FHAD1: variants seen among roughly 807,000 people sequenced by gnomAD.
FHAD1 encodes the protein forkhead-associated domain-containing protein 1.
Under a neutral mutation model 191.3 loss-of-function variants are expected in FHAD1, and 146 were observed. The observed-to-expected ratio is 0.76, with a 90% confidence interval of 0.67 to 0.88. The LOEUF is 0.88. FHAD1 is among the 40% of genes least tolerant of loss of function. The pLI, the probability that FHAD1 is intolerant of heterozygous loss-of-function variation, is 0.00. For missense variants in FHAD1, 1,635 were observed against 1,785.8 expected, an observed-to-expected ratio of 0.92 and a Z score of 1.52; for synonymous variants, 616 against 672.3, an observed-to-expected ratio of 0.92 and a Z score of 1.29.
chr1:15,353,704 C>CAAAAAAAAAAAAAAAAAAAAA (rs60518389), intron 20 of FHAD1, among the ~76,000 whole-genome samples: 82 of 60,916 alleles, frequency 1.3e-3, no homozygotes, highest in Admixed American at 1.5e-3. Context: ...GACTCCATCT[C>CAAAAAAAAAAAAAAAAAAAAA]AAAAAAAAAA....
At chr1:15,283,136 G>A (rs1046046900) in intron 3 of FHAD1, among the ~76,000 whole-genome samples, 3 of 152,254 alleles carry the variant, frequency 2.0e-5, no homozygotes, top group African/African-American at 7.2e-5. Flanking sequence ...TCCAGGAAAA[G>A]GGTATTACCT....
intron 33 of FHAD1, among the ~76,000 whole-genome samples, chr1:15,392,321 A>G (rs1484604069): frequency 6.6e-6 from 1 of 152,202 alleles, no homozygotes; most frequent in Non-Finnish European, 1.5e-5. Flanking sequence ...TCACGAGGTC[A>G]GGAGATCGAG....
intron 14 of FHAD1, among the ~76,000 whole-genome samples, chr1:15,330,489 GA>G (rs1680784813): frequency 1.3e-5 from 2 of 152,008 alleles, no homozygotes; most frequent in Admixed American, 6.6e-5. Context: ...AAATACTGGG[GA>G]AAAAAACAGG....
At position 15,381,227 on chromosome 1, in the gene FHAD1, G is replaced by A. The variant is rs935922282; in HGVS notation, c.3802-4G>A. ...CCTCTTATGCGCGAACGTTTTCCTT[G>A]TAGTACCTGGATATGAGCAAAACCC... On this transcript the variant is annotated splice_region_variant and splice_polypyrimidine_tract_variant and intron_variant, in intron 29 of 33. Coordinates refer to ENST00000688493, the MANE Select transcript of FHAD1 (RefSeq NM_001391957.1). The surrounding 1 kb of genome is among the most constrained non-coding windows in gnomAD (Gnocchi z 4.6). 6.5e-7 allele frequency: 1 copy of A among 1,549,150 alleles called. No individual in the cohort carries two copies. The highest frequency in any genetic ancestry group is 1.4e-5 in the African/African-American group (1 of 72,926).
chr1:15,370,866 A>T, intron 26 of FHAD1, among the ~76,000 whole-genome samples: 1 of 151,928 alleles, frequency 6.6e-6, no homozygotes, highest in East Asian at 1.9e-4. Flanking sequence ...TTGGATTTTC[A>T]CCGGGAAGCC....
chr1:15,243,029 C>T (rs569294365), upstream of FHAD1, among the ~76,000 whole-genome samples: 3 of 152,220 alleles, frequency 2.0e-5, no homozygotes, highest in East Asian at 1.9e-4. Flanking sequence ...AGTTTTTGAA[C>T]GGATGGTACA....
chr1:15,271,685 G>A, intron 2 of FHAD1, among the ~76,000 whole-genome samples: 1 of 152,030 alleles, frequency 6.6e-6, no homozygotes, highest in South Asian at 2.1e-4. Context: ...TGTATGTAGG[G>A]TGTGATTAAT....
At chr1:15,368,520 C>CA (rs201487938) in intron 25 of FHAD1, among the ~76,000 whole-genome samples, 2,321 of 151,780 alleles carry the variant, frequency 0.015, 40 homozygotes, top group Middle Eastern at 0.058. Context: ...CCTGTTTTCA[C>CA]AAAAAAAAGA....
Position 15,388,145 on chromosome 1 carries a change from T to G in FHAD1, c.4269+14T>G. On this transcript the variant is annotated intron_variant, in intron 32 of 33. Coordinates refer to ENST00000688493, the MANE Select transcript of FHAD1 (RefSeq NM_001391957.1). Reference sequence around the variant, plus strand: ...AAAGACAGGCAGGTATGGGAGGTGTTCTGATGTTGCAGACACAGAGTAGAG... The same window carrying G: ...AAAGACAGGCAGGTATGGGAGGTGTGCTGATGTTGCAGACACAGAGTAGAG... The G allele has an allele frequency of 7.8e-7, 1 of 1,283,810 alleles. No homozygotes were observed. Among genetic ancestry groups the G allele is most frequent in the African/African-American group, 1.5e-5 (1 of 65,782 alleles). 79.5% of individuals were successfully genotyped at this position (1,283,810 alleles called of 1,614,324 possible).
At chr1:15,240,698 C>T (rs1409402743) in intron 1 of FHAD1, among the ~76,000 whole-genome samples, 2 of 150,494 alleles carry the variant, frequency 1.3e-5, no homozygotes, top group Non-Finnish European at 3.0e-5. Flanking sequence ...GTGGCTCATG[C>T]CTGTAATCCC....
At chr1:15,293,526 T>TG (rs1665687360) in intron 4 of FHAD1, among the ~76,000 whole-genome samples, 1 of 152,120 alleles carries the variant, frequency 6.6e-6, no homozygotes, top group African/African-American at 2.4e-5. Context: ...GAGACCAGCC[T>TG]GACTAACATG....
At chr1:15,348,355 T>C (rs1377395547) in intron 18 of FHAD1, among the ~76,000 whole-genome samples, 2 of 151,748 alleles carry the variant, frequency 1.3e-5, no homozygotes, top group African/African-American at 4.8e-5. Context: ...AAAATAGAGG[T>C]GGCCCTTCTC....
rs1227543416 is a variant in FHAD1, at chr1:15,367,629, T to A, written c.3314+7T>A. ...CCCTTGAGGAGGCACTCAGGTTGGG[T>A]GGGCGGGGGCCGGGTTGGGGGGATG... On this transcript the variant is annotated splice_region_variant and intron_variant, in intron 25 of 33. Coordinates refer to ENST00000688493, the MANE Select transcript of FHAD1 (RefSeq NM_001391957.1). 2 of 155,470 alleles carry A rather than the reference T, an allele frequency of 1.3e-5. No individual in the cohort carries two copies. The allele number at this position is 155,470 out of a possible 1,614,324, so 9.6% of individuals were successfully genotyped here.
At chr1:15,251,901 C>T (rs1646817642) in intron 2 of FHAD1, 24 bp downstream of exon 2, 9 of 1,534,658 alleles carry the variant, frequency 5.9e-6, no homozygotes, top group Non-Finnish European at 7.1e-6. Flanking sequence ...CCACCTGTTC[C>T]CGTCCCCTCC....
intron 6 of FHAD1, among the ~76,000 whole-genome samples, chr1:15,307,631 C>T (rs1166341344): frequency 6.6e-6 from 1 of 152,200 alleles, no homozygotes; most frequent in African/African-American, 2.4e-5. Flanking sequence ...ATGGGTTTAT[C>T]AGGGGTTTCC....
intron 2 of FHAD1, among the ~76,000 whole-genome samples, chr1:15,257,896 C>T (rs938238689): frequency 2.6e-5 from 4 of 152,150 alleles, no homozygotes; most frequent in Admixed American, 6.5e-5. Context: ...GGCTGGAGTG[C>T]GGTGGCACAA....
intron 33 of FHAD1, among the ~76,000 whole-genome samples, chr1:15,395,427 A>G (rs1365224648): frequency 6.6e-6 from 1 of 151,568 alleles, no homozygotes; most frequent in Admixed American, 6.6e-5. Context: ...CCCTCTCCAT[A>G]CCTCTGCTGA....
intron 26 of FHAD1, among the ~76,000 whole-genome samples, chr1:15,370,294 A>C (rs940831494): frequency 6.6e-6 from 1 of 152,180 alleles, no homozygotes; most frequent in Non-Finnish European, 1.5e-5. Flanking sequence ...ATATTTGTTT[A>C]GTAGATAATT....
rs138928686 is a variant in FHAD1 at position 15,374,834 on chromosome 1, A to G, written c.3577+203A>G. ...TTAAATAAATAGGATTTCATGCATA[A>G]CTCACTATTGTACGTTTTTTTTTTT... is the stretch of plus-strand genomic sequence containing the variant. On this transcript the variant is annotated intron_variant, in intron 27 of 33. Transcript: ENST00000688493. 2.3e-3 allele frequency among the ~76,000 whole-genome samples: 339 copies of G among 150,366 alleles called. 1 individual carries two copies. Among genetic ancestry groups the G allele is most frequent in the Admixed American group, 4.1e-3 (62 of 15,076 alleles).
Sources: gnomAD v4.1 joint callset for allele counts (sites outside exome capture counted in the v4.1 genomes callset) on GRCh38, gnomAD v4.1.1 for gene constraint, Gnocchi (gnomAD v3.1) non-coding constraint, MANE v1.5 for transcripts, NCBI Gene and HGNC (gene_info 2026-07-23, HGNC 2026-07-21) for gene names.